The following FBXO28 variants were observed in gnomAD, a reference collection of about 807,000 sequenced individuals.
FBXO28 encodes F-box protein 28.
FBXO28 carries 8 observed loss-of-function variants against 38.1 expected under a neutral mutation model. The observed-to-expected ratio is 0.21, with a 90% CI of 0.12 to 0.38. The LOEUF (loss-of-function observed/expected upper bound fraction) is 0.38, where lower values mean the gene tolerates loss of function less well. Among genes scored for constraint, FBXO28 ranks in the 10% least tolerant of loss-of-function variants. The pLI, the probability that FBXO28 is intolerant of heterozygous loss-of-function variation, is 1.00. For synonymous variants in FBXO28, 168 were observed against 173.8 expected, an observed-to-expected ratio of 0.97 and a Z score of 0.26; for missense variants, 345 against 460.6, an observed-to-expected ratio of 0.75 and a Z score of 2.30.
intron 3 of FBXO28, among the ~76,000 whole-genome samples, chr1:224,137,366 TAC>T (rs1657217219): frequency 6.6e-6 from 1 of 151,216 alleles, no homozygotes; most frequent in East Asian, 1.9e-4. Flanking sequence ...CTACTAAAAA[TAC>T]AAAAATTAGC....
Position 224,160,914 on chromosome 1 carries a change from A to G in FBXO28, c.*3168A>G, listed in dbSNP as rs1334865317. The stretch of plus-strand genomic sequence containing the variant: ...AATTAATAAGCTAAAAGGTGTCACT[A>G]CAGCTGGATTTTTGAGAGAAAATGG... On this transcript the variant is annotated 3_prime_UTR_variant, in exon 5 of 5. Coordinates refer to ENST00000366862, the MANE Select transcript of FBXO28 (RefSeq NM_015176.4). The G allele has an allele frequency of 1.3e-5, 2 of 152,178 alleles. No homozygotes were observed. The highest frequency in any genetic ancestry group is 3.8e-4 in the East Asian group (2 of 5,206). 9.4% of individuals were successfully genotyped at this position (152,178 alleles called of 1,614,324 possible).
intron 1 of FBXO28, among the ~76,000 whole-genome samples, chr1:224,117,139 CAAAAAT>C (rs1414631233): frequency 2.0e-5 from 3 of 147,252 alleles, no homozygotes; most frequent in Non-Finnish European, 3.0e-5. Context: ...ATCGCCGTCT[CAAAAAT>C]AAAAATAAAA....
Position 224,134,203 on chromosome 1 carries a change from C to G in FBXO28, c.507C>G (p.Ile169Met). The G allele has an allele frequency of 1.2e-6, 2 of 1,612,040 alleles. No individual in the cohort carries two copies. The highest frequency in any genetic ancestry group is 1.7e-6 in the Non-Finnish European group (2 of 1,179,296). Residue 169 changes from isoleucine (I) to methionine (M), a missense_variant, in exon 3 of 5, where the codon ATC becomes ATG. Coordinates refer to ENST00000366862, the MANE Select transcript of FBXO28 (RefSeq NM_015176.4). Reference protein sequence around the residue: ...KYVDSNLCCFIPGKVIDEIYR... With the variant: ...KYVDSNLCCFMPGKVIDEIYR... ...TGGATTCCAATCTCTGTTGCTTCAT[C>G]CCAGGAAAGGTAAAATAGAATTGCT...
rs1454315348 is a variant in FBXO28 at position 224,144,257 on chromosome 1, A to T, written c.517-8885A>T. On this transcript the variant is annotated intron_variant, in intron 3 of 4. Transcript: ENST00000366862. Reference sequence around the variant, plus strand: ...GATAGGAGGATCACTTGAGACCAGGAATTCAAGACCAGCCTGAGCAACATA... The same window carrying T: ...GATAGGAGGATCACTTGAGACCAGGTATTCAAGACCAGCCTGAGCAACATA... Among the ~76,000 whole-genome samples, 7 of 151,304 alleles carry T rather than the reference A, an allele frequency of 4.6e-5. No homozygotes were observed. The East Asian group carries it at 1.4e-3, about 30-fold the overall frequency.
At chr1:224,145,310 AAAAAG>A (rs1657474638) in intron 3 of FBXO28, among the ~76,000 whole-genome samples, 1 of 151,264 alleles carries the variant, frequency 6.6e-6, no homozygotes, top group Non-Finnish European at 1.5e-5. Context: ...AAAAAAAAAA[AAAAAG>A]GAAGTGTTTT....
chr1:224,126,889 C>A (rs763178218), intron 1 of FBXO28, among the ~76,000 whole-genome samples: 3 of 152,120 alleles, frequency 2.0e-5, no homozygotes, highest in Non-Finnish European at 4.4e-5. Flanking sequence ...AGTTTTTATT[C>A]CCCAGAGGCA....
At chr1:224,154,301 C>T (rs1657715925) in intron 4 of FBXO28, among the ~76,000 whole-genome samples, 2 of 152,158 alleles carry the variant, frequency 1.3e-5, no homozygotes, top group African/African-American at 2.4e-5. Flanking sequence ...AAGTGAAAAA[C>T]GGAATGGTTC....
At chr1:224,140,239 A>T (rs1657311711) in intron 3 of FBXO28, among the ~76,000 whole-genome samples, 1 of 152,266 alleles carries the variant, frequency 6.6e-6, no homozygotes, top group Admixed American at 6.5e-5. Context: ...AAAATCAGAA[A>T]TTTGTAACAC....
chr1:224,117,016 T>G (rs1487034570), intron 1 of FBXO28, among the ~76,000 whole-genome samples: 1 of 151,866 alleles, frequency 6.6e-6, no homozygotes, highest in Non-Finnish European at 1.5e-5. Context: ...TTTATAAAAA[T>G]ACAAAAATTA....
intron 2 of FBXO28, 71 bp from the exon 3 acceptor site, chr1:224,134,003 G>T: frequency 8.7e-7 from 1 of 1,148,582 alleles, no homozygotes. Context: ...AAGCCATCTT[G>T]ATTGCTTAAT....
intron 1 of FBXO28, among the ~76,000 whole-genome samples, chr1:224,117,317 G>A (rs1656664838): frequency 1.3e-5 from 2 of 151,958 alleles, no homozygotes; most frequent in East Asian, 2.0e-4. Flanking sequence ...ACAGGCGCAC[G>A]CCACCATGCC....
intron 3 of FBXO28, among the ~76,000 whole-genome samples, chr1:224,143,826 A>T (rs1657429247): frequency 8.0e-6 from 1 of 124,378 alleles, no homozygotes; most frequent in African/African-American, 3.3e-5. Flanking sequence ...ACAGAGCAAG[A>T]CTCCATCTCA....
Position 224,114,125 on chromosome 1 carries a change from C to T in FBXO28, c.-5C>T. On this transcript the variant is annotated 5_prime_UTR_variant, in exon 1 of 5. Coordinates refer to ENST00000366862, the MANE Select transcript of FBXO28 (RefSeq NM_015176.4). The stretch of plus-strand genomic sequence containing the variant: ...GCTGTGGGGGTAAGGAATCAAGCCC[C>T]CAAGATGGCGGCAGCGGCGGAGGAG... 5 of 1,537,386 alleles carry T rather than the reference C, an allele frequency of 3.3e-6. No homozygotes were observed. Among genetic ancestry groups the T allele is most frequent in the Non-Finnish European group, 4.4e-6 (5 of 1,140,794 alleles).
chr1:224,151,288 A>G (rs1221263858), intron 3 of FBXO28, among the ~76,000 whole-genome samples: 1 of 152,120 alleles, frequency 6.6e-6, no homozygotes, highest in Non-Finnish European at 1.5e-5. Flanking sequence ...CTCCCATTGC[A>G]TCTGCCTACG....
Position 224,157,926 on chromosome 1 carries a change from C to G in FBXO28, c.*180C>G. On this transcript the variant is annotated 3_prime_UTR_variant, in exon 5 of 5. Coordinates refer to ENST00000366862, the MANE Select transcript of FBXO28 (RefSeq NM_015176.4). ...CCTGCTTCTCCTGATTGAACTGATG[C>G]ACAGAATCTTTTTACTTTGCAATAG... 1.4e-6 allele frequency: 2 copies of G among 1,408,064 alleles called. No homozygotes were observed. Among genetic ancestry groups the G allele is most frequent in the East Asian group, 2.6e-5 (1 of 38,744 alleles). 87.2% of individuals were successfully genotyped at this position (1,408,064 alleles called of 1,614,324 possible).
At chr1:224,124,142 A>G (rs1455203942) in intron 1 of FBXO28, among the ~76,000 whole-genome samples, 3 of 152,206 alleles carry the variant, frequency 2.0e-5, no homozygotes, top group Non-Finnish European at 4.4e-5. Context: ...TAAAGATTAA[A>G]CAGGAAAATC....
At chr1:224,131,229 A>G (rs936521089) in intron 2 of FBXO28, among the ~76,000 whole-genome samples, 1 of 152,134 alleles carries the variant, frequency 6.6e-6, no homozygotes, top group Non-Finnish European at 1.5e-5. Flanking sequence ...AATAAGGTAC[A>G]ATATGTTTTG....
At chr1:224,125,022 G>T (rs1377445238) in intron 1 of FBXO28, among the ~76,000 whole-genome samples, 1 of 152,168 alleles carries the variant, frequency 6.6e-6, no homozygotes, top group African/African-American at 2.4e-5. Flanking sequence ...TGGTTAGTCA[G>T]TGCTTCTTGA....
At chr1:224,141,710 A>G (rs1269517925) in intron 3 of FBXO28, among the ~76,000 whole-genome samples, 1 of 152,168 alleles carries the variant, frequency 6.6e-6, no homozygotes, top group Non-Finnish European at 1.5e-5. Context: ...ATATTTGTAT[A>G]TCTAAACATA....
Sources: gnomAD v4.1 joint callset for allele counts (sites outside exome capture counted in the v4.1 genomes callset) on GRCh38, gnomAD v4.1.1 for gene constraint, MANE v1.5 for transcripts, NCBI Gene and HGNC (gene_info 2026-07-23, HGNC 2026-07-21) for gene names.